C11orf65: variants seen among roughly 807,000 people sequenced by gnomAD.
C11orf65 encodes the protein chromosome 11 open reading frame 65, also known as protein MFI.
In C11orf65, 38 loss-of-function variants were observed where a neutral mutation model predicts 35.3. The ratio of observed to expected loss-of-function variants is 1.08; its 90% CI spans 0.83 to 1.41. The LOEUF (loss-of-function observed/expected upper bound fraction) is 1.41. Ranked by LOEUF, C11orf65 falls within the 40% of genes most tolerant of loss-of-function variation. The pLI, the probability that C11orf65 is intolerant of heterozygous loss-of-function variation, is 0.00. For missense variants in C11orf65, 370 were observed against 367.1 expected (o/e 1.01, Z -0.06); for synonymous variants, 105 against 114.4 (o/e 0.92, Z 0.53).
At chr11:108,450,294 A>G (rs2093328651) in intron 2 of C11orf65, among the ~76,000 whole-genome samples, 1 of 151,964 alleles carries the variant, frequency 6.6e-6, no homozygotes, top group Non-Finnish European at 1.5e-5. Flanking sequence ...TATACACCCA[A>G]AGGATTATAA....
chr11:108,357,558 G>C (rs1339800725), intron 2 of C11orf65, among the ~76,000 whole-genome samples: 2 of 152,220 alleles, frequency 1.3e-5, no homozygotes, highest in Admixed American at 1.3e-4. Flanking sequence ...TGACAGCTTT[G>C]AAGAGAGTAG....
chr11:108,434,060 T>C (rs939615411), intron 2 of C11orf65, among the ~76,000 whole-genome samples: 24 of 152,104 alleles, frequency 1.6e-4, no homozygotes, highest in Admixed American at 1.1e-3. Flanking sequence ...GTGTCGTATG[T>C]GAATGCTCAC....
At chr11:108,450,420 T>C (rs1475720740) in intron 2 of C11orf65, among the ~76,000 whole-genome samples, 1 of 151,602 alleles carries the variant, frequency 6.6e-6, no homozygotes, top group Non-Finnish European at 1.5e-5. Flanking sequence ...GTGGCACATA[T>C]ACACCATGGA....
At chr11:108,393,875 TA>T (rs2092235169) in intron 6 of C11orf65, among the ~76,000 whole-genome samples, 1 of 152,148 alleles carries the variant, frequency 6.6e-6, no homozygotes, top group Non-Finnish European at 1.5e-5. Context: ...CAGTCTTATT[TA>T]ATTCTTTTTA....
In C11orf65 at chr11:108,343,310, G is replaced by T. The variant is rs2136948181; in HGVS notation, c.227-8018C>A. On this transcript the variant is annotated intron_variant, in intron 2 of 3. Transcript: ENST00000524755. ...GAATTTCTTGTTAACAATGAAGATG[G>T]TGCTCATAAAAGATACAGGCCAAAT... The T allele has an allele frequency of 6.2e-7, 1 of 1,614,016 alleles. No homozygotes were observed. Among genetic ancestry groups the T allele is most frequent in the African/African-American group, 1.3e-5 (1 of 75,026 alleles).
chr11:108,390,146 C>T (rs1209774126), intron 7 of C11orf65, among the ~76,000 whole-genome samples: 2 of 152,140 alleles, frequency 1.3e-5, no homozygotes. Context: ...GTCTCAGCCT[C>T]CCTAGTAGCT....
At chr11:108,382,105 T>C (rs1249830986), downstream of C11orf65, among the ~76,000 whole-genome samples, 2 of 152,206 alleles carry the variant, frequency 1.3e-5, no homozygotes, top group African/African-American at 4.8e-5. Context: ...TTCAGATGAC[T>C]GCAGCCCTGG....
chr11:108,326,818 A>AT (rs1555120425), downstream of C11orf65, among the ~76,000 whole-genome samples: 1 of 151,876 alleles, frequency 6.6e-6, no homozygotes, highest in Non-Finnish European at 1.5e-5. Context: ...ACTGTGCTTT[A>AT]TTATTTATTT....
intron 2 of C11orf65, among the ~76,000 whole-genome samples, chr11:108,433,890 T>C (rs2135445199): frequency 6.6e-6 from 1 of 152,268 alleles, no homozygotes; most frequent in South Asian, 2.1e-4. Context: ...GAAGAAAAGA[T>C]GGCCAGAAGT....
intron 2 of C11orf65, among the ~76,000 whole-genome samples, chr11:108,437,384 G>C (rs1412538766): frequency 6.6e-6 from 1 of 152,038 alleles, no homozygotes; most frequent in Non-Finnish European, 1.5e-5. Flanking sequence ...AAGGGCTCTG[G>C]AAATGGTTTG....
intron 7 of C11orf65, among the ~76,000 whole-genome samples, chr11:108,386,244 T>C (rs2091998150): frequency 6.6e-6 from 1 of 152,168 alleles, no homozygotes; most frequent in Admixed American, 6.5e-5. Flanking sequence ...GCCCCCTCAT[T>C]TTATCCTGTT....
chr11:108,341,381 T>C (rs976607800), intron 2 of C11orf65, among the ~76,000 whole-genome samples: 7 of 152,134 alleles, frequency 4.6e-5, no homozygotes, highest in African/African-American at 1.4e-4. Flanking sequence ...TGTTCTCTTA[T>C]ACTTATTATC....
At chr11:108,330,467 T>TA (rs750226021), downstream of C11orf65, 2 of 1,582,436 alleles carry the variant, frequency 1.3e-6, no homozygotes, top group South Asian at 2.2e-5. Flanking sequence ...TTGAAAAACT[T>TA]AGACATAAGC....
chr11:108,443,430 A>T (rs1272024132), intron 2 of C11orf65, among the ~76,000 whole-genome samples: 1 of 152,204 alleles, frequency 6.6e-6, no homozygotes. Context: ...ACAGAAGGTT[A>T]ACAAGGATAT....
chr11:108,446,752 A>T (rs2093267640), intron 2 of C11orf65, among the ~76,000 whole-genome samples: 1 of 152,200 alleles, frequency 6.6e-6, no homozygotes, highest in Non-Finnish European at 1.5e-5. Context: ...AGCTAACATC[A>T]TAATGACAGG....
At chr11:108,405,643 T>C in intron 5 of C11orf65, 84 bp from the exon 6 acceptor site, 2 of 1,360,642 alleles carry the variant, frequency 1.5e-6, no homozygotes, top group Middle Eastern at 2.0e-4. Context: ...CTTCTATGTG[T>C]TCAGTAGGAA....
rs1352244890 is a variant in C11orf65, at chr11:108,325,485, AT to A, written c.641-16415del. 1 of 1,613,674 alleles carries A rather than the reference AT, an allele frequency of 6.2e-7. No individual in the cohort carries two copies. The highest frequency in any genetic ancestry group is 1.7e-5 in the Admixed American group (1 of 60,016). ...CTCACAAAGAGAATGTATTAAGGAC[AT>A]TCTCACCAAACACCTTGTAGAACTC... On this transcript the variant is annotated intron_variant, in intron 6 of 6. Coordinates refer to the C11orf65 transcript ENST00000525729.
intron 2 of C11orf65, among the ~76,000 whole-genome samples, chr11:108,347,843 AC>A (rs1706173036): frequency 6.6e-6 from 1 of 152,190 alleles, no homozygotes; most frequent in Non-Finnish European, 1.5e-5. Context: ...TAAATGAAGG[AC>A]ATGATAATAT....
intron 1 of C11orf65, chr11:108,462,583 T>C (rs1342725584): frequency 6.6e-6 from 1 of 152,196 alleles, no homozygotes; most frequent in African/African-American, 2.4e-5. Context: ...TTTCTTAACG[T>C]GCATAGAGAC....
Sources: gnomAD v4.1 joint callset for allele counts (sites outside exome capture counted in the v4.1 genomes callset) on GRCh38, gnomAD v4.1.1 for gene constraint, MANE v1.5 for transcripts, NCBI Gene and HGNC (gene_info 2026-07-23, HGNC 2026-07-21) for gene names.